Variants in SLC35F2 observed in about 807,000 individuals in gnomAD.
The protein encoded by SLC35F2 is queuine/queuosine transporter SLC35F2.
Under a neutral mutation model 38.1 loss-of-function variants are expected in SLC35F2, and 25 were observed. The ratio of observed to expected loss-of-function variants is 0.66; its 90% CI spans 0.48 to 0.92. The LOEUF (loss-of-function observed/expected upper bound fraction) is 0.92. SLC35F2 is among the 40% of genes least tolerant of loss of function. The pLI is 0.00. For synonymous variants in SLC35F2, 173 were observed against 181.7 expected (o/e 0.95, Z 0.38); for missense variants, 409 against 452.9 (o/e 0.90, Z 0.88).
intron 3 of SLC35F2, among the ~76,000 whole-genome samples, chr11:107,811,452 A>G (rs1859478124): frequency 6.6e-6 from 1 of 152,260 alleles, no homozygotes; most frequent in Non-Finnish European, 1.5e-5. Flanking sequence ...CTAATCTGCC[A>G]TAGCAGTTTG....
intron 1 of SLC35F2, among the ~76,000 whole-genome samples, chr11:107,842,287 T>G (rs1248460904): frequency 1.4e-5 from 1 of 71,184 alleles, no homozygotes; most frequent in South Asian, 5.6e-4. Flanking sequence ...AAAAAAAAAT[T>G]AAAGCTTGAC....
At chr11:107,800,759 AT>A (rs34467109) in intron 7 of SLC35F2, among the ~76,000 whole-genome samples, 1 of 151,866 alleles carries the variant, frequency 6.6e-6, no homozygotes, top group East Asian at 1.9e-4. Context: ...TTATTTTTGT[AT>A]TTTTTTGTAG....
chr11:107,853,545 C>T (rs1449877707), intron 1 of SLC35F2, among the ~76,000 whole-genome samples: 3 of 151,408 alleles, frequency 2.0e-5, no homozygotes, highest in Non-Finnish European at 4.4e-5. Context: ...AGTGAAACCC[C>T]GCCTCTACTA....
chr11:107,837,495 C>T (rs1859947547), intron 1 of SLC35F2, among the ~76,000 whole-genome samples: 1 of 150,250 alleles, frequency 6.7e-6, no homozygotes, highest in Non-Finnish European at 1.5e-5. Context: ...CGAAACCAGC[C>T]TGGCCAACAT....
chr11:107,820,275 T>TGGGAGAGAGAGAAAAGAAA (rs747024975), intron 1 of SLC35F2, among the ~76,000 whole-genome samples: 7,493 of 142,582 alleles, frequency 0.053, 387 homozygotes, highest in African/African-American at 0.13. Flanking sequence ...AAAAAAAAAT[T>TGGGAGAGAGAGAAAAGAAA]GGGAGAGAGA....
At chr11:107,801,442 T>C (rs1034045358) in intron 7 of SLC35F2, among the ~76,000 whole-genome samples, 3 of 152,148 alleles carry the variant, frequency 2.0e-5, no homozygotes, top group Admixed American at 6.6e-5. Flanking sequence ...GAAAAATACA[T>C]TTTTTCATAA....
At chr11:107,855,219 A>G (rs71488286) in intron 1 of SLC35F2, among the ~76,000 whole-genome samples, 1,528 of 152,334 alleles carry the variant, frequency 0.01, 21 homozygotes, top group South Asian at 0.028. Context: ...AATAAAGGGA[A>G]GAGTTCAGGG....
chr11:107,803,118 G>A lies in SLC35F2; in HGVS notation c.822C>T (p.Cys274=). Reference sequence around the variant, plus strand: ...TCACCAATGGCATGAAGCTGTACAGGCAAAACATACACAGGGCAAATGCCA... The same window carrying A: ...TCACCAATGGCATGAAGCTGTACAGACAAAACATACACAGGGCAAATGCCA... ...LFVAFALCMF[C]LYSFMPLVIK... is the part of the protein sequence containing the mutation. Residue 274 remains cysteine, a synonymous_variant, in exon 7 of 8, where the codon TGC becomes TGT. Coordinates refer to ENST00000525815, the MANE Select transcript of SLC35F2 (RefSeq NM_017515.5). The A allele has an allele frequency of 1.2e-6, 2 of 1,613,060 alleles. No homozygotes were observed. Among genetic ancestry groups the A allele is most frequent in the Non-Finnish European group, 1.7e-6 (2 of 1,179,716 alleles).
chr11:107,823,597 T>C (rs1859708805), intron 1 of SLC35F2, among the ~76,000 whole-genome samples: 1 of 152,188 alleles, frequency 6.6e-6, no homozygotes, highest in African/African-American at 2.4e-5. Context: ...TTCTAAAGCA[T>C]TTTAAATTAT....
intron 1 of SLC35F2, among the ~76,000 whole-genome samples, chr11:107,846,156 T>C (rs1317100759): frequency 1.3e-5 from 2 of 151,166 alleles, no homozygotes; most frequent in Non-Finnish European, 2.9e-5. Context: ...ACGGTGTTAA[T>C]ACAGTAGAAA....
At chr11:107,846,944 A>AC (rs61347510) in intron 1 of SLC35F2, among the ~76,000 whole-genome samples, 1 of 151,556 alleles carries the variant, frequency 6.6e-6, no homozygotes, top group Admixed American at 6.6e-5. Context: ...AAAAAAAAAA[A>AC]GTGAATTTTA....
chr11:107,810,907 A>G (rs1859470095), intron 3 of SLC35F2: 1 of 981,228 alleles, frequency 1.0e-6, no homozygotes. Context: ...GGACATATCA[A>G]AAAGTTATAA....
At position 107,792,778 on chromosome 11, in the gene SLC35F2, G is replaced by C. The variant is rs757941855; in HGVS notation, c.962C>G (p.Ser321Cys). Residue 321 changes from serine to cysteine, a missense_variant, in exon 8 of 8, where the codon TCC becomes TGC. By Grantham distance (112) the Ser-to-Cys change is moderately radical (BLOSUM62 -1). Transcript: ENST00000525815. Reference protein sequence around the residue: ...GYKFSGLYILSFTVIMVGFIL... With the variant: ...GYKFSGLYILCFTVIMVGFIL... ...AAACCCCACCATGATGACAGTGAAGGACAGGATGTAGAGTCCTGAAAACTA... is the reference window on the plus strand; with the variant it reads ...AAACCCCACCATGATGACAGTGAAGCACAGGATGTAGAGTCCTGAAAACTA... 1.1e-5 allele frequency: 17 copies of C among 1,595,572 alleles called. No homozygotes were observed. Among genetic ancestry groups the C allele is most frequent in the Non-Finnish European group, 1.4e-5 (16 of 1,169,908 alleles).
In SLC35F2 at chr11:107,815,900, G is replaced by A; in HGVS notation, c.176C>T (p.Thr59Ile). Residue 59 changes from threonine to isoleucine, a missense_variant, in exon 2 of 8, where the codon ACC (threonine) becomes ATC (isoleucine). Coordinates refer to ENST00000525815, the MANE Select transcript of SLC35F2 (RefSeq NM_017515.5). ...GTATCTTTCTGCCAAATACTGGCTG[G>A]TGATGGCTGTCCCACATATACACAA... ...LSLCICGTAI[T>I]SQYLAERYKV... is the part of the protein sequence containing the mutation. 1 of 1,614,028 alleles carries A rather than the reference G, an allele frequency of 6.2e-7. No homozygotes were observed. The highest frequency in any genetic ancestry group is 8.5e-7 in the Non-Finnish European group (1 of 1,180,014).
chr11:107,807,490 T>C (rs1334509708), intron 3 of SLC35F2, among the ~76,000 whole-genome samples: 5 of 152,002 alleles, frequency 3.3e-5, no homozygotes, highest in East Asian at 1.9e-4. Context: ...GAAGAGTCAG[T>C]TGCTGTATAC....
intron 1 of SLC35F2, among the ~76,000 whole-genome samples, chr11:107,822,102 G>A (rs1565434335): frequency 6.6e-6 from 1 of 152,168 alleles, no homozygotes; most frequent in Admixed American, 6.5e-5. Context: ...AATTAACTGG[G>A]TGTGGTGGCA....
intron 1 of SLC35F2, among the ~76,000 whole-genome samples, chr11:107,819,245 C>T (rs1408440898): frequency 2.0e-5 from 3 of 152,154 alleles, no homozygotes; most frequent in East Asian, 3.8e-4. Flanking sequence ...TCTTCAGTTT[C>T]GTTTTCCTAG....
chr11:107,801,093 G>A (rs914106590), intron 7 of SLC35F2, among the ~76,000 whole-genome samples: 1 of 151,864 alleles, frequency 6.6e-6, no homozygotes, highest in Non-Finnish European at 1.5e-5. Context: ...TTAGTGGAGA[G>A]GGGGGTTTCC....
chr11:107,810,538 C>T (rs1859464840), intron 3 of SLC35F2: 1 of 985,266 alleles, frequency 1.0e-6, no homozygotes, highest in South Asian at 4.7e-5. Flanking sequence ...TACACTTACT[C>T]CTATTAGTGA....
Sources: allele counts gnomAD v4.1 joint callset (sites outside exome capture counted in the v4.1 genomes callset), GRCh38; gene constraint gnomAD v4.1.1; transcripts MANE v1.5; gene names NCBI Gene and HGNC (gene_info 2026-07-23, HGNC 2026-07-21).